Variants in CALN1 observed in about 807,000 individuals in gnomAD.
CALN1 encodes the protein calcium-binding protein 8.
In CALN1, 17 loss-of-function variants were observed where a neutral mutation model predicts 30.6. The observed-to-expected ratio is 0.56, with a 90% confidence interval of 0.38 to 0.83. The LOEUF is 0.83. Among genes scored for constraint, CALN1 ranks in the 40% least tolerant of loss-of-function variants. The pLI, the probability that CALN1 is intolerant of heterozygous loss-of-function variation, is 0.00. For synonymous variants in CALN1, 156 were observed against 131.4 expected (o/e 1.19, Z -1.28); for missense variants, 291 against 354.9 (o/e 0.82, Z 1.45).
At chr7:71,885,494 C>T (rs1792848918) in intron 5 of CALN1, among the ~76,000 whole-genome samples, 1 of 152,172 alleles carries the variant, frequency 6.6e-6, no homozygotes, top group Non-Finnish European at 1.5e-5. Context: ...TGTCTCCTGC[C>T]CCTTTAAGAT....
chr7:72,150,179 T>G (rs1787122839), intron 3 of CALN1, among the ~76,000 whole-genome samples: 1 of 151,522 alleles, frequency 6.6e-6, no homozygotes. Context: ...AGTAGCTGCC[T>G]TCTGTTGAGC....
At chr7:72,014,084 TC>T (rs1451504479) in intron 5 of CALN1, among the ~76,000 whole-genome samples, 1 of 147,496 alleles carries the variant, frequency 6.8e-6, no homozygotes, top group Non-Finnish European at 1.5e-5. Context: ...ATGAGTTGGC[TC>T]TTTTTTTTTT....
chr7:72,194,875 C>G (rs1235462810), intron 3 of CALN1, among the ~76,000 whole-genome samples: 1 of 152,002 alleles, frequency 6.6e-6, no homozygotes, highest in African/African-American at 2.4e-5. Flanking sequence ...CAGGTGTGAG[C>G]CTCTTGCCTT....
chr7:71,833,505 GA>G (rs1392668654), intron 5 of CALN1, among the ~76,000 whole-genome samples: 1 of 151,282 alleles, frequency 6.6e-6, no homozygotes, highest in Admixed American at 6.6e-5. Context: ...AAAGCAAGGA[GA>G]GGGGTGGAAT....
rs114726652 is a variant in CALN1, at chr7:71,789,464, A to C, written c.659-1562T>G. Among the ~76,000 whole-genome samples, 513 of 152,198 alleles carry C rather than the reference A, an allele frequency of 3.4e-3. 4 individuals carry two copies. Among genetic ancestry groups the C allele is most frequent in the African/African-American group, 0.012 (487 of 41,550 alleles). On this transcript the variant is annotated intron_variant, in intron 6 of 6. Transcript: ENST00000395275. ...CCAGCCCCCACCCCAGATTTGCTGC[A>C]TCAGAGGCTCTGGGAGTGGGGGTCC...
chr7:71,956,975 GGT>G (rs930469460), intron 5 of CALN1, among the ~76,000 whole-genome samples: 6 of 152,120 alleles, frequency 3.9e-5, no homozygotes, highest in Non-Finnish European at 7.3e-5. Context: ...TGGGATTACA[GGT>G]GTGAGCCACC....
chr7:72,219,738 A>ACG (rs1365894060), intron 3 of CALN1, among the ~76,000 whole-genome samples: 3 of 150,968 alleles, frequency 2.0e-5, no homozygotes, highest in South Asian at 2.1e-4. Flanking sequence ...ACAAGCATGC[A>ACG]CGCACACACA....
rs1477929949 is a variant in CALN1, at chr7:72,388,717, T to A, written c.119+14534A>T. ...TAAAAATGCAGAGAGAGAGAGAGAA[T>A]CATGGCTTAAGCATCCTGCTTGCTG... is the stretch of plus-strand genomic sequence containing the variant. On this transcript the variant is annotated intron_variant, in intron 2 of 6. Transcript: ENST00000395275. Among the ~76,000 whole-genome samples, 16 of 152,242 alleles carry A rather than the reference T, an allele frequency of 1.1e-4. No individual in the cohort carries two copies. In the East Asian group the frequency reaches 2.9e-3, roughly 28 times the overall value.
chr7:72,176,649 G>A (rs575795539), intron 3 of CALN1, among the ~76,000 whole-genome samples: 2 of 152,298 alleles, frequency 1.3e-5, no homozygotes, highest in Non-Finnish European at 1.5e-5. Context: ...TGTACAGCCT[G>A]TAGAACCATA....
intron 4 of CALN1, among the ~76,000 whole-genome samples, chr7:72,049,124 A>T (rs1357787262): frequency 6.6e-6 from 1 of 152,132 alleles, no homozygotes; most frequent in Non-Finnish European, 1.5e-5. Context: ...ATATGATATC[A>T]TATTACCTGG....
chr7:72,360,137 G>GA (rs1250804418), intron 2 of CALN1, among the ~76,000 whole-genome samples: 2 of 152,024 alleles, frequency 1.3e-5, no homozygotes, highest in African/African-American at 4.8e-5. Flanking sequence ...AACTATAAAG[G>GA]ACATTATTGC....
chr7:72,255,770 G>A (rs1224571715), intron 3 of CALN1, among the ~76,000 whole-genome samples: 26 of 132,722 alleles, frequency 2.0e-4, no homozygotes, highest in African/African-American at 5.7e-5. Context: ...TCACCCTGTC[G>A]CCCAGGCTGG....
At chr7:72,047,017 A>G (rs1351315507) in intron 4 of CALN1, among the ~76,000 whole-genome samples, 1 of 152,178 alleles carries the variant, frequency 6.6e-6, no homozygotes, top group East Asian at 1.9e-4. Context: ...GTGAGCCAAG[A>G]TTGTGCTGCT....
intron 2 of CALN1, among the ~76,000 whole-genome samples, chr7:72,362,387 G>A (rs910547102): frequency 6.6e-6 from 1 of 151,996 alleles, no homozygotes; most frequent in African/African-American, 2.4e-5. Flanking sequence ...TCTCTCCATG[G>A]CCAACAGAGC....
Position 71,785,030 on chromosome 7 carries a change from T to G in CALN1, c.*2745A>C, listed in dbSNP as rs886803541. The G allele has an allele frequency of 4.0e-5, 16 of 395,524 alleles. No homozygotes were observed. In the Admixed American group the frequency reaches 6.6e-4, roughly 16 times the overall value. 24.5% of individuals were successfully genotyped at this position (395,524 alleles called of 1,614,324 possible). A position where few individuals can be genotyped will look rare whatever the true frequency, so the allele number is the denominator to read the frequency against. ...GGGTGCAAGTCACCGGGACAAACTC[T>G]GAGCTCCTGAAGTCTAAGGAATGCC... On this transcript the variant is annotated 3_prime_UTR_variant, in exon 7 of 7. Coordinates refer to ENST00000395275, the MANE Select transcript of CALN1 (RefSeq NM_031468.4).
At chr7:72,439,590 T>G (rs566738998) in intron 1 of CALN1, among the ~76,000 whole-genome samples, 1 of 151,810 alleles carries the variant, frequency 6.6e-6, no homozygotes, top group East Asian at 1.9e-4. Context: ...TTCTTTTTTT[T>G]TTTTTGAGAT....
At chr7:72,168,702 C>G (rs1788706068) in intron 3 of CALN1, among the ~76,000 whole-genome samples, 1 of 151,898 alleles carries the variant, frequency 6.6e-6, no homozygotes, top group Non-Finnish European at 1.5e-5. Context: ...GCTGTCAATA[C>G]AATATGCCAT....
intron 4 of CALN1, among the ~76,000 whole-genome samples, chr7:72,065,185 C>T (rs1803939342): frequency 6.6e-6 from 1 of 150,622 alleles, no homozygotes; most frequent in Non-Finnish European, 1.5e-5. Context: ...TGACCTTTAT[C>T]ACCTAGACAT....
At chr7:71,868,758 T>C (rs879653538) in intron 5 of CALN1, among the ~76,000 whole-genome samples, 13 of 151,942 alleles carry the variant, frequency 8.6e-5, no homozygotes, top group South Asian at 8.4e-4. Context: ...ACCTCCAACA[T>C]TGGGGATGAT....
Sources: gnomAD v4.1 joint callset for allele counts (sites outside exome capture counted in the v4.1 genomes callset) on GRCh38, gnomAD v4.1.1 for gene constraint, MANE v1.5 for transcripts, NCBI Gene and HGNC (gene_info 2026-07-23, HGNC 2026-07-21) for gene names.